Variants in SLC25A31 observed in about 807,000 individuals in gnomAD.
The protein encoded by SLC25A31 is solute carrier family 25 member 31, also known as ADP/ATP translocase 4.
Under a neutral mutation model 36.2 loss-of-function variants are expected in SLC25A31, and 40 were observed. That is an observed-to-expected ratio of 1.10 (90% confidence interval 0.86 to 1.44). The LOEUF (loss-of-function observed/expected upper bound fraction) is 1.44. Among genes scored for constraint, SLC25A31 ranks in the 40% most tolerant of loss-of-function variants. SLC25A31 has a pLI of 0.00. For synonymous variants in SLC25A31, 143 were observed against 149.7 expected (o/e 0.96, Z 0.32); for missense variants, 350 against 397.1 (o/e 0.88, Z 1.01).
Position 127,768,836 on chromosome 4 carries a change from T to C in SLC25A31, c.718T>C (p.Ser240Pro). 2 of 1,608,110 alleles carry C rather than the reference T, an allele frequency of 1.2e-6. No homozygotes were observed. Among genetic ancestry groups the C allele is most frequent in the Non-Finnish European group, 1.7e-6 (2 of 1,177,512 alleles). The change falls in exon 5 of 6, where the codon TCT (serine) becomes CCT (proline). Residue 240 changes from serine (S) to proline (P), a missense_variant. Transcript: ENST00000281154. Reference sequence around the variant, plus strand: ...TGTGACTACATGCTCTGGAATACTTTCTTATCCCTTTGACACAGTTAGAAG... The same window carrying C: ...TGTGACTACATGCTCTGGAATACTTCCTTATCCCTTTGACACAGTTAGAAG... ...QVVTTCSGIL[S>P]YPFDTVRRRM...
At chr4:127,747,000 G>C (rs920849602) in intron 2 of SLC25A31, among the ~76,000 whole-genome samples, 3 of 152,204 alleles carry the variant, frequency 2.0e-5, no homozygotes, top group Non-Finnish European at 2.9e-5. Context: ...TGGCTAGCCA[G>C]TTATCCCACC....
chr4:127,757,515 A>G (rs1467654103), intron 2 of SLC25A31, among the ~76,000 whole-genome samples: 2 of 152,088 alleles, frequency 1.3e-5, no homozygotes, highest in African/African-American at 4.8e-5. Context: ...TATGTACCAC[A>G]TTTTCTTTAT....
intron 1 of SLC25A31, among the ~76,000 whole-genome samples, chr4:127,735,892 A>AAT (rs1731620898): frequency 1.3e-4 from 5 of 38,684 alleles, no homozygotes; most frequent in African/African-American, 4.2e-4. Flanking sequence ...TTATTTATTT[A>AAT]TTTATTTTTT....
intron 2 of SLC25A31, among the ~76,000 whole-genome samples, chr4:127,759,547 C>T (rs190329695): frequency 1.3e-5 from 2 of 152,234 alleles, no homozygotes; most frequent in East Asian, 3.9e-4. Flanking sequence ...TAGGAACAAA[C>T]TTTTGATAGG....
chr4:127,756,011 C>A (rs924574252), intron 2 of SLC25A31, among the ~76,000 whole-genome samples: 1 of 149,464 alleles, frequency 6.7e-6, no homozygotes, highest in Non-Finnish European at 1.5e-5. Flanking sequence ...CCAGCCTGGG[C>A]GGCAAAGCAA....
At chr4:127,755,027 A>G (rs1226093521) in intron 2 of SLC25A31, among the ~76,000 whole-genome samples, 1 of 152,246 alleles carries the variant, frequency 6.6e-6, no homozygotes, top group Non-Finnish European at 1.5e-5. Context: ...CAAAGAAGCC[A>G]AGAACACACA....
rs930458572 is a variant in SLC25A31 at position 127,756,918 on chromosome 4, T to G, written c.361-7325T>G. Among the ~76,000 whole-genome samples, 51 of 152,264 alleles carry G rather than the reference T, an allele frequency of 3.3e-4. 1 individual carries two copies. The highest frequency in any genetic ancestry group is 3.4e-3 in the Middle Eastern group (1 of 294). Reference sequence around the variant, plus strand: ...AAAAGTATGGCGATTTCTTAGAAACTAACATGCACCCACCGTATGATGCAT... The same window carrying G: ...AAAAGTATGGCGATTTCTTAGAAACGAACATGCACCCACCGTATGATGCAT... On this transcript the variant is annotated intron_variant, in intron 2 of 5. Transcript: ENST00000281154.
At chr4:127,753,845 GAGA>G (rs1305580133) in intron 2 of SLC25A31, among the ~76,000 whole-genome samples, 1 of 152,108 alleles carries the variant, frequency 6.6e-6, no homozygotes, top group African/African-American at 2.4e-5. Flanking sequence ...CAAAGCACCA[GAGA>G]AGGACACTAG....
chr4:127,754,496 ATTCTT>A (rs1731993637), intron 2 of SLC25A31, among the ~76,000 whole-genome samples: 1 of 151,800 alleles, frequency 6.6e-6, no homozygotes, highest in African/African-American at 2.4e-5. Context: ...CTAACAATGA[ATTCTT>A]TTAACAAGAA....
intron 2 of SLC25A31, among the ~76,000 whole-genome samples, chr4:127,757,343 G>A (rs185529504): frequency 9.2e-5 from 14 of 151,972 alleles, no homozygotes; most frequent in South Asian, 2.1e-4. Context: ...ATGTCCACAC[G>A]TACCCTCTGT....
intron 1 of SLC25A31, among the ~76,000 whole-genome samples, chr4:127,733,831 C>T: frequency 6.6e-6 from 1 of 152,142 alleles, no homozygotes; most frequent in East Asian, 1.9e-4. Flanking sequence ...GAATGCACAA[C>T]TAGATGCTCT....
intron 1 of SLC25A31, among the ~76,000 whole-genome samples, chr4:127,733,235 C>G (rs1731562820): frequency 6.6e-6 from 1 of 152,208 alleles, no homozygotes; most frequent in Non-Finnish European, 1.5e-5. Flanking sequence ...GTCAGCAACT[C>G]TGCTTATAGT....
At chr4:127,736,767 G>T (rs1045479003) in intron 1 of SLC25A31, among the ~76,000 whole-genome samples, 1 of 152,132 alleles carries the variant, frequency 6.6e-6, no homozygotes, top group African/African-American at 2.4e-5. Flanking sequence ...TTCAACATGT[G>T]TCTACACCAT....
intron 5 of SLC25A31, among the ~76,000 whole-genome samples, chr4:127,770,742 G>C (rs1246842888): frequency 6.6e-6 from 1 of 152,014 alleles, no homozygotes; most frequent in Non-Finnish European, 1.5e-5. Context: ...TCTTATATGT[G>C]TGTGTGTATT....
At chr4:127,740,865 G>A (rs1240515328) in intron 1 of SLC25A31, among the ~76,000 whole-genome samples, 1 of 152,226 alleles carries the variant, frequency 6.6e-6, no homozygotes, top group African/African-American at 2.4e-5. Flanking sequence ...AGAAAGGGTA[G>A]GGTGGCTCAG....
chr4:127,754,810 TA>T lies in SLC25A31; in HGVS notation c.361-9426del, dbSNP rs896781061. ...TTCCAATGGCATTTTTTCACAGAAA[TA>T]AAAAAAGAATCCTTCAATTTATGTG... On this transcript the variant is annotated intron_variant, in intron 2 of 5. Coordinates refer to ENST00000281154, the MANE Select transcript of SLC25A31 (RefSeq NM_031291.4). 2.6e-5 allele frequency among the ~76,000 whole-genome samples: 4 copies of T among 151,914 alleles called. No individual in the cohort carries two copies. In the South Asian group the frequency reaches 6.2e-4, roughly 24 times the overall value.
rs376739141 is a variant in SLC25A31 at position 127,752,408 on chromosome 4, G to A, written c.360+7609G>A. Among the ~76,000 whole-genome samples the A allele has an allele frequency of 4.5e-4, 68 of 152,092 alleles. No individual in the cohort carries two copies. In the East Asian group the frequency reaches 5.2e-3, roughly 12 times the overall value. On this transcript the variant is annotated intron_variant, in intron 2 of 5. Coordinates refer to ENST00000281154, the MANE Select transcript of SLC25A31 (RefSeq NM_031291.4). ...CACAGGAAGGGGAACATCACACACC[G>A]GGGCCTGTTGTGGGGTAGGGGGAGG...
intron 1 of SLC25A31, among the ~76,000 whole-genome samples, chr4:127,735,217 A>G (rs980418927): frequency 6.6e-6 from 1 of 152,230 alleles, no homozygotes; most frequent in Non-Finnish European, 1.5e-5. Flanking sequence ...ACCTGAGACA[A>G]GAAGACTATT....
chr4:127,754,513 T>G (rs1227359457), intron 2 of SLC25A31, among the ~76,000 whole-genome samples: 1 of 144,990 alleles, frequency 6.9e-6, no homozygotes, highest in Non-Finnish European at 1.5e-5. Flanking sequence ...TAACAAGAAA[T>G]AAGAATAACA....
Sources: allele counts gnomAD v4.1 joint callset (sites outside exome capture counted in the v4.1 genomes callset), GRCh38; gene constraint gnomAD v4.1.1; transcripts MANE v1.5; gene names NCBI Gene and HGNC (gene_info 2026-07-23, HGNC 2026-07-21).